The following MECOM variants were observed in gnomAD, a reference collection of about 807,000 sequenced individuals.
MECOM encodes the protein MDS1 and EVI1 complex locus, also known as histone-lysine N-methyltransferase MECOM.
In MECOM, 13 loss-of-function variants were observed where a neutral mutation model predicts 116.3. The observed-to-expected ratio is 0.11, with a 90% CI of 0.07 to 0.18. The LOEUF (loss-of-function observed/expected upper bound fraction) is 0.18, where lower values mean the gene tolerates loss of function less well. MECOM is among the 10% of genes least tolerant of loss of function. The pLI, the probability that MECOM is intolerant of heterozygous loss-of-function variation, is 1.00. For synonymous variants in MECOM, 528 were observed against 535.2 expected (o/e 0.99, Z 0.19); for missense variants, 1,299 against 1,509.0 (o/e 0.86, Z 2.31).
chr3:169,345,776 C>T (rs1725245986), intron 2 of MECOM, among the ~76,000 whole-genome samples: 2 of 151,964 alleles, frequency 1.3e-5, no homozygotes, highest in South Asian at 4.1e-4. Flanking sequence ...AGACAGTTTG[C>T]CCAGCCAATA....
chr3:169,224,399 C>A (rs2149505628), intron 2 of MECOM, among the ~76,000 whole-genome samples: 1 of 152,224 alleles, frequency 6.6e-6, no homozygotes, highest in South Asian at 2.1e-4. Context: ...CAACGTAAAC[C>A]CAAATGAGTT....
chr3:169,317,169 G>A (rs917453501), intron 2 of MECOM, among the ~76,000 whole-genome samples: 13 of 152,214 alleles, frequency 8.5e-5, no homozygotes, highest in Middle Eastern at 3.4e-3. Context: ...GTTGTTATAC[G>A]AGTTGTATTT....
intron 1 of MECOM, among the ~76,000 whole-genome samples, chr3:169,660,137 T>C (rs986839063): frequency 6.6e-6 from 1 of 152,130 alleles, no homozygotes; most frequent in African/African-American, 2.4e-5. Context: ...ATCAGGACCA[T>C]AGCAACTGGC....
chr3:169,559,991 C>T (rs191821770), intron 1 of MECOM, among the ~76,000 whole-genome samples: 1 of 152,188 alleles, frequency 6.6e-6, no homozygotes, highest in Admixed American at 6.5e-5. Context: ...TATTATACCA[C>T]TAATGCCAAA....
chr3:169,609,456 CA>C (rs1416694792), intron 1 of MECOM, among the ~76,000 whole-genome samples: 4 of 95,230 alleles, frequency 4.2e-5, no homozygotes, highest in African/African-American at 1.7e-4. Flanking sequence ...TTCAGTTAAT[CA>C]TTTTTTTTTT....
chr3:169,555,030 C>T (rs1761864232), intron 1 of MECOM, among the ~76,000 whole-genome samples: 1 of 152,222 alleles, frequency 6.6e-6, no homozygotes, highest in African/African-American at 2.4e-5. Context: ...TCTTTAACTT[C>T]TAAATAAGTT....
intron 2 of MECOM, among the ~76,000 whole-genome samples, chr3:169,360,619 G>A (rs1728142932): frequency 2.6e-5 from 4 of 151,706 alleles, no homozygotes; most frequent in South Asian, 4.1e-4. Context: ...ATTTAGTTAT[G>A]ATATTATTCT....
intron 1 of MECOM, among the ~76,000 whole-genome samples, chr3:169,423,713 CTGATGAGG>C (rs1489054832): frequency 9.2e-5 from 14 of 152,108 alleles, no homozygotes; most frequent in African/African-American, 3.4e-4. Context: ...CATCCCATTT[CTGATGAGG>C]AGGCTGAGGT....
At chr3:169,147,448 A>G (rs1302265046) in intron 2 of MECOM, 1 of 985,402 alleles carries the variant, frequency 1.0e-6, no homozygotes, top group Non-Finnish European at 1.2e-6. Flanking sequence ...AAAGGGAGCT[A>G]TCTCCCGCCG....
chr3:169,096,358 C>T (rs2148900042), intron 12 of MECOM, among the ~76,000 whole-genome samples: 1 of 151,926 alleles, frequency 6.6e-6, no homozygotes, highest in East Asian at 1.9e-4. Flanking sequence ...GCAACCTCTG[C>T]CTCCTGGGTT....
chr3:169,530,014 AAC>A (rs1355118910), intron 1 of MECOM, among the ~76,000 whole-genome samples: 1 of 152,250 alleles, frequency 6.6e-6, no homozygotes, highest in African/African-American at 2.4e-5. Flanking sequence ...CAGAGGCAGA[AAC>A]AAATTGGTAT....
chr3:169,287,267 A>G (rs1360952477), intron 2 of MECOM, among the ~76,000 whole-genome samples: 1 of 152,238 alleles, frequency 6.6e-6, no homozygotes, highest in Non-Finnish European at 1.5e-5. Context: ...TGCCAGGCTT[A>G]TCTGCTCCCT....
At chr3:169,191,835 G>A (rs1747741637) in intron 2 of MECOM, among the ~76,000 whole-genome samples, 1 of 151,960 alleles carries the variant, frequency 6.6e-6, no homozygotes, top group Admixed American at 6.6e-5. Flanking sequence ...ATAAACAGAG[G>A]AGAAACATAG....
chr3:169,297,135 T>A (rs1715765681), intron 2 of MECOM, among the ~76,000 whole-genome samples: 1 of 152,198 alleles, frequency 6.6e-6, no homozygotes, highest in African/African-American at 2.4e-5. Context: ...TTTAAATTCT[T>A]CAGAAAGTTT....
intron 2 of MECOM, among the ~76,000 whole-genome samples, chr3:169,247,772 G>A (rs1462702218): frequency 6.6e-6 from 1 of 152,162 alleles, no homozygotes; most frequent in Non-Finnish European, 1.5e-5. Flanking sequence ...TGGATATGCT[G>A]TCATACTTTT....
intron 1 of MECOM, among the ~76,000 whole-genome samples, chr3:169,427,993 G>A (rs1342563385): frequency 6.6e-6 from 1 of 152,188 alleles, no homozygotes; most frequent in Non-Finnish European, 1.5e-5. Flanking sequence ...TATAAGAAGA[G>A]GAGATTAGAA....
chr3:169,358,430 G>C (rs1178731609), intron 2 of MECOM, among the ~76,000 whole-genome samples: 2 of 151,038 alleles, frequency 1.3e-5, no homozygotes, highest in African/African-American at 2.4e-5. Context: ...TAATTTTCTT[G>C]TGACATTTTT....
chr3:169,345,974 A>C (rs542818171), intron 2 of MECOM, among the ~76,000 whole-genome samples: 1 of 152,044 alleles, frequency 6.6e-6, no homozygotes, highest in Non-Finnish European at 1.5e-5. Context: ...AGATGAACAA[A>C]TTTCATTTAA....
chr3:169,190,138 C>G (rs1747322007), intron 2 of MECOM, among the ~76,000 whole-genome samples: 1 of 151,960 alleles, frequency 6.6e-6, no homozygotes, highest in Non-Finnish European at 1.5e-5. Context: ...AATTTTTAAG[C>G]TTACTTGCAA....
Sources: gnomAD v4.1 joint callset for allele counts (sites outside exome capture counted in the v4.1 genomes callset) on GRCh38, gnomAD v4.1.1 for gene constraint, MANE v1.5 for transcripts, NCBI Gene and HGNC (gene_info 2026-07-23, HGNC 2026-07-21) for gene names.